The following ZNF276 variants were observed in gnomAD, a reference collection of about 807,000 sequenced individuals.
The protein encoded by ZNF276 is zinc finger protein 276.
In ZNF276, 59 loss-of-function variants were observed where a neutral mutation model predicts 63.9. That is an observed-to-expected ratio of 0.92 (90% CI 0.75 to 1.15). The LOEUF is 1.15. Ranked by LOEUF, ZNF276 falls within the 50% of genes most tolerant of loss-of-function variation. The probability of loss-of-function intolerance (pLI) is 0.00; values close to 1 mark genes in which losing one functional copy is unlikely to be tolerated. For missense variants in ZNF276, 1,084 were observed against 843.8 expected (o/e 1.28, Z -3.53); for synonymous variants, 496 against 348.4 (o/e 1.42, Z -4.72).
chr16:89,739,939 A>G lies in ZNF276; in HGVS notation c.*1693A>G, dbSNP rs7195906. Reference sequence around the variant, plus strand: ...GGGCTCGTTCTTAACCATTTGCAAGATGCCTCTGAAAAGAGCGGCCCTCCG... The same window carrying G: ...GGGCTCGTTCTTAACCATTTGCAAGGTGCCTCTGAAAAGAGCGGCCCTCCG... On this transcript the variant is annotated 3_prime_UTR_variant, in exon 11 of 11. Transcript: ENST00000443381. 1 of 1,605,100 alleles carries G rather than the reference A, an allele frequency of 6.2e-7. No individual in the cohort carries two copies. Among genetic ancestry groups the G allele is most frequent in the Non-Finnish European group, 8.5e-7 (1 of 1,173,300 alleles).
intron 9 of ZNF276, among the ~76,000 whole-genome samples, chr16:89,736,150 C>G (rs567864169): frequency 5.3e-5 from 8 of 152,298 alleles, no homozygotes; most frequent in Middle Eastern, 3.4e-3. Flanking sequence ...CTCGGCCTCC[C>G]GAAGTGCTGG....
At position 89,722,565 on chromosome 16, in the gene ZNF276, C is replaced by T. The variant is rs1366309714; in HGVS notation, c.240C>T (p.Arg80=). ...GGGCTCTCGCCATGGGTCACTGTCGCCTCTGCCACGGGAAGTTTTCCTCGA... is the reference window on the plus strand; with the variant it reads ...GGGCTCTCGCCATGGGTCACTGTCGTCTCTGCCACGGGAAGTTTTCCTCGA... The part of the protein sequence containing the change: ...AGRALAMGHC[R]LCHGKFSSRS... The change falls in exon 2 of 11, where the codon CGC becomes CGT. Residue 80 remains arginine (R), a synonymous_variant. Coordinates refer to ENST00000443381, the MANE Select transcript of ZNF276 (RefSeq NM_001113525.2). 15 of 1,612,344 alleles carry T rather than the reference C, an allele frequency of 9.3e-6. No individual in the cohort carries two copies. Among genetic ancestry groups the T allele is most frequent in the Non-Finnish European group, 1.1e-5 (13 of 1,179,978 alleles).
rs897316186 is a variant in ZNF276 at position 89,723,717 on chromosome 16, G to A, written c.1006+8G>A. 6 of 1,604,268 alleles carry A rather than the reference G, an allele frequency of 3.7e-6. No individual in the cohort carries two copies. The highest frequency in any genetic ancestry group is 1.1e-5 in the South Asian group (1 of 90,800). On this transcript the variant is annotated splice_region_variant and intron_variant, in intron 4 of 10. Transcript: ENST00000443381. ...CCCTTTGCAGGGCCCCAGGTAGGAGGCACCTCTTGCTGGTGCTAGACCAGG... is the reference window on the plus strand; with the variant it reads ...CCCTTTGCAGGGCCCCAGGTAGGAGACACCTCTTGCTGGTGCTAGACCAGG...
In ZNF276 at chr16:89,721,839, G is replaced by T; in HGVS notation, c.199G>T (p.Glu67Ter). 1.6e-6 allele frequency: 2 copies of T among 1,212,364 alleles called. No individual in the cohort carries two copies. The highest frequency in any genetic ancestry group is 1.0e-6 in the Non-Finnish European group (1 of 975,694). 75.1% of individuals were successfully genotyped at this position (1,212,364 alleles called of 1,614,324 possible). ...CGDAGEDGAD[E>*]AGAGRALAMG... ...GGACGCGGGCGAGGACGGCGCGGAC[G>T]AGGCAGGTGGGTCCGCGGCCCGGGC... is the stretch of plus-strand genomic sequence containing the variant. Residue 67 changes from glutamate to a stop codon, truncating the protein, a stop_gained, in exon 1 of 11, where the codon GAG becomes TAG. Coordinates refer to ENST00000443381, the MANE Select transcript of ZNF276 (RefSeq NM_001113525.2). LOFTEE classifies it high-confidence loss of function.
intron 4 of ZNF276, 25 bp from the exon 5 acceptor site, chr16:89,727,254 A>G (rs770673637): frequency 6.2e-7 from 1 of 1,610,444 alleles, no homozygotes; most frequent in Non-Finnish European, 8.5e-7. Context: ...TGTTGGTAAC[A>G]GGAGCCTTGT....
At chr16:89,724,188 G>GA (rs1397324638) in intron 4 of ZNF276, among the ~76,000 whole-genome samples, 6 of 152,250 alleles carry the variant, frequency 3.9e-5, no homozygotes, top group African/African-American at 1.4e-4. Context: ...AGGCTGAGGG[G>GA]AAACACAAGG....
chr16:89,737,755 C>A, intron 9 of ZNF276, 51 bp from the exon 10 acceptor site: 2 of 1,610,530 alleles, frequency 1.2e-6, no homozygotes, highest in South Asian at 2.2e-5. Context: ...GTCGTCCCCC[C>A]GGGAGGTTGG....
intron 6 of ZNF276, chr16:89,732,127 T>C (rs1431246748): frequency 1.3e-5 from 2 of 151,126 alleles, no homozygotes; most frequent in Non-Finnish European, 2.9e-5. Context: ...CCTTAACTAT[T>C]CTTACCTGGA....
chr16:89,721,008 C>T (rs1025526569), upstream of ZNF276: 3 of 766,838 alleles, frequency 3.9e-6, no homozygotes, highest in Non-Finnish European at 5.3e-6. Flanking sequence ...CGGGCCCCCT[C>T]CGCGCGTACT....
intron 9 of ZNF276, among the ~76,000 whole-genome samples, chr16:89,736,546 G>C (rs1027242988): frequency 3.3e-5 from 5 of 151,004 alleles, no homozygotes; most frequent in Non-Finnish European, 7.4e-5. Flanking sequence ...GCTGGGGCTG[G>C]TCTTGAACTG....
chr16:89,721,967 C>T lies in ZNF276; in HGVS notation c.205+122C>T, dbSNP rs1010199397. ...TCCACCCGGCCAAGGGCGTAGCGGA[C>T]TCGGGGCTGCGTCGGGATAGGCGCT... On this transcript the variant is annotated intron_variant, in intron 1 of 10. Coordinates refer to ENST00000443381, the MANE Select transcript of ZNF276 (RefSeq NM_001113525.2). The T allele has an allele frequency of 7.9e-5, 54 of 682,068 alleles. No individual in the cohort carries two copies. In the African/African-American group the frequency reaches 9.6e-4, roughly 12 times the overall value. The allele number at this position is 682,068 out of a possible 1,614,324, so 42.3% of individuals were successfully genotyped here. A position where few individuals can be genotyped will look rare whatever the true frequency, so the allele number is the denominator to read the frequency against.
In ZNF276 at chr16:89,721,541, C is replaced by T. The variant is rs1167648570; in HGVS notation, c.-100C>T. ...TTCTCGCTCCGCCCCTCCCCCGCCC[C>T]GCCTCGCTTCCAGCGCGCCGAGCGG... is the stretch of plus-strand genomic sequence containing the variant. On this transcript the variant is annotated 5_prime_UTR_variant, in exon 1 of 11. Coordinates refer to ENST00000443381, the MANE Select transcript of ZNF276 (RefSeq NM_001113525.2). 2.4e-6 allele frequency: 3 copies of T among 1,244,282 alleles called. No individual in the cohort carries two copies. The African/African-American group carries it at 4.7e-5, about 20-fold the overall frequency. 77.1% of individuals were successfully genotyped at this position (1,244,282 alleles called of 1,614,324 possible).
intron 4 of ZNF276, among the ~76,000 whole-genome samples, chr16:89,724,908 C>G (rs538772160): frequency 3.3e-5 from 5 of 152,096 alleles, no homozygotes; most frequent in Non-Finnish European, 5.9e-5. Flanking sequence ...ACTTATCTAC[C>G]TATTTATCTA....
At chr16:89,729,014 C>T (rs1482520120) in intron 5 of ZNF276, among the ~76,000 whole-genome samples, 4 of 152,222 alleles carry the variant, frequency 2.6e-5, no homozygotes, top group Non-Finnish European at 5.9e-5. Context: ...TCCTGGTGCC[C>T]AGAGCACATG....
chr16:89,720,430 C>G (rs746981583), upstream of ZNF276: 90 of 1,037,330 alleles, frequency 8.7e-5, no homozygotes, highest in Non-Finnish European at 1.0e-4. Flanking sequence ...GAAAAATGCA[C>G]GAACGCACGG....
intron 6 of ZNF276, among the ~76,000 whole-genome samples, chr16:89,730,019 G>A (rs1052597897): frequency 6.6e-6 from 1 of 152,282 alleles, no homozygotes; most frequent in Non-Finnish European, 1.5e-5. Context: ...CCAGAACAAA[G>A]GTCCAGAGGG....
chr16:89,733,239 G>A (rs1348125430), intron 6 of ZNF276, 63 bp from the exon 7 acceptor site: 1 of 1,466,278 alleles, frequency 6.8e-7, no homozygotes, highest in Non-Finnish European at 9.5e-7. Flanking sequence ...AGGTTGGAGA[G>A]ACAAAAAACA....
chr16:89,728,675 T>C (rs1399046185), intron 5 of ZNF276, among the ~76,000 whole-genome samples: 1 of 152,302 alleles, frequency 6.6e-6, no homozygotes, highest in East Asian at 1.9e-4. Flanking sequence ...GTGCTGGGAT[T>C]ACAGGTGTTA....
At chr16:89,721,499 C>A (rs1224292617), upstream of ZNF276, 3 of 870,900 alleles carry the variant, frequency 3.4e-6, no homozygotes, top group East Asian at 6.8e-5. Context: ...TGGCCCGCCC[C>A]GCCCGCCTCG....
Sources: gnomAD v4.1 joint callset for allele counts (sites outside exome capture counted in the v4.1 genomes callset) on GRCh38, gnomAD v4.1.1 for gene constraint, MANE v1.5 for transcripts, NCBI Gene and HGNC (gene_info 2026-07-23, HGNC 2026-07-21) for gene names.